Variants in HHAT observed in about 807,000 individuals in gnomAD.
The protein encoded by HHAT is hedgehog acyltransferase, also known as protein-cysteine N-palmitoyltransferase HHAT.
Under a neutral mutation model 70.8 loss-of-function variants are expected in HHAT, and 47 were observed. The ratio of observed to expected loss-of-function variants is 0.66; its 90% CI spans 0.53 to 0.85. The LOEUF (loss-of-function observed/expected upper bound fraction) is 0.85. Among genes scored for constraint, HHAT ranks in the 40% least tolerant of loss-of-function variants. HHAT has a pLI of 0.00. For missense variants in HHAT, 609 were observed against 604.8 expected (o/e 1.01, Z -0.07); for synonymous variants, 228 against 247.6 (o/e 0.92, Z 0.74).
intron 11 of HHAT, among the ~76,000 whole-genome samples, chr1:210,657,836 AG>A (rs1676769585): frequency 1.3e-5 from 2 of 152,262 alleles, no homozygotes; most frequent in African/African-American, 4.8e-5. Flanking sequence ...CTCTTCTCCC[AG>A]GCACTTCCAC....
intron 1 of HHAT, among the ~76,000 whole-genome samples, chr1:210,331,832 GGTAAGCAA>G (rs55641811): frequency 0.59 from 89,773 of 151,606 alleles, 27,887 homozygotes; most frequent in African/African-American, 0.78. Flanking sequence ...TCATTGAGGA[GGTAAGCAA>G]GTAAGCAAGT....
rs766547047 is a variant in HHAT, at chr1:210,387,602, A to G, written c.273+21A>G. ...GAAAGGTATGATTATATGTGTTGTT[A>G]CCTTTTAAGTGTGTTTTTCCTTTGC... On this transcript the variant is annotated intron_variant, in intron 4 of 11. Transcript: ENST00000261458. 4 of 1,571,928 alleles carry G rather than the reference A, an allele frequency of 2.5e-6. No individual in the cohort carries two copies. The African/African-American group carries it at 5.4e-5, about 21-fold the overall frequency.
At chr1:210,535,068 TG>T (rs2095356605) in intron 9 of HHAT, among the ~76,000 whole-genome samples, 1 of 152,190 alleles carries the variant, frequency 6.6e-6, no homozygotes, top group African/African-American at 2.4e-5. Context: ...CTCTGCTTTT[TG>T]TAGAATTGTT....
chr1:210,645,995 G>T (rs1342444086), intron 11 of HHAT, among the ~76,000 whole-genome samples: 1 of 152,110 alleles, frequency 6.6e-6, no homozygotes, highest in South Asian at 2.1e-4. Flanking sequence ...CTGCAACTGG[G>T]ACCTGCCCTC....
In HHAT at chr1:210,658,598, C is replaced by A. The variant is rs547769956; in HGVS notation, c.1391-15690C>A. Among the ~76,000 whole-genome samples the A allele has an allele frequency of 2.6e-5, 4 of 152,328 alleles. No individual in the cohort carries two copies. The South Asian group carries it at 8.3e-4, about 32-fold the overall frequency. ...TGTACCAAGCAGACCTAATAGACAT[C>A]TACAGAACTCTCTACCCCAAATCAA... On this transcript the variant is annotated intron_variant, in intron 11 of 11. Coordinates refer to ENST00000261458, the MANE Select transcript of HHAT (RefSeq NM_018194.6).
At chr1:210,330,771 C>G (rs909621667) in intron 1 of HHAT, among the ~76,000 whole-genome samples, 2 of 152,116 alleles carry the variant, frequency 1.3e-5, no homozygotes, top group African/African-American at 2.4e-5. Context: ...TTTTCATGGA[C>G]TGGGGGAAGG....
intron 11 of HHAT, among the ~76,000 whole-genome samples, chr1:210,669,062 C>A (rs149924067): frequency 6.6e-6 from 1 of 152,182 alleles, no homozygotes; most frequent in African/African-American, 2.4e-5. Flanking sequence ...TGTGAGCCAC[C>A]GCGCCTGGCC....
intron 7 of HHAT, among the ~76,000 whole-genome samples, chr1:210,442,731 A>T (rs1372747344): frequency 6.6e-6 from 1 of 152,148 alleles, no homozygotes; most frequent in South Asian, 2.1e-4. Flanking sequence ...GTTTGAGTTC[A>T]TTGTAGATTC....
chr1:210,499,748 G>A (rs1199603001), intron 8 of HHAT, among the ~76,000 whole-genome samples: 1 of 152,184 alleles, frequency 6.6e-6, no homozygotes, highest in African/African-American at 2.4e-5. Context: ...ACATTTTGCT[G>A]GTAATTAGTA....
chr1:210,440,347 C>G (rs534193973), intron 7 of HHAT, among the ~76,000 whole-genome samples: 1 of 151,582 alleles, frequency 6.6e-6, no homozygotes, highest in Non-Finnish European at 1.5e-5. Context: ...AAGCTCCAGT[C>G]GATTCTGTAG....
chr1:210,532,482 C>G (rs1471031137), intron 9 of HHAT, among the ~76,000 whole-genome samples: 1 of 152,178 alleles, frequency 6.6e-6, no homozygotes, highest in Non-Finnish European at 1.5e-5. Flanking sequence ...TGGACATCAG[C>G]TACTCATTGG....
At chr1:210,491,083 G>C (rs189934262) in intron 8 of HHAT, among the ~76,000 whole-genome samples, 2 of 151,762 alleles carry the variant, frequency 1.3e-5, no homozygotes, top group African/African-American at 4.8e-5. Flanking sequence ...GTGTGTGTGT[G>C]TGTCTGTGTG....
chr1:210,672,772 A>G (rs1680350532), intron 11 of HHAT, among the ~76,000 whole-genome samples: 1 of 152,222 alleles, frequency 6.6e-6, no homozygotes, highest in Non-Finnish European at 1.5e-5. Context: ...AAAAGAAAAG[A>G]ACATCAGATA....
At chr1:210,545,300 C>T (rs2095473371) in intron 9 of HHAT, among the ~76,000 whole-genome samples, 1 of 152,160 alleles carries the variant, frequency 6.6e-6, no homozygotes, top group African/African-American at 2.4e-5. Context: ...CTTTTGGTCC[C>T]TTGGATGCCC....
chr1:210,493,508 G>C, intron 8 of HHAT, among the ~76,000 whole-genome samples: 1 of 152,090 alleles, frequency 6.6e-6, no homozygotes, highest in South Asian at 2.1e-4. Context: ...TGATTTAAAT[G>C]TTCATCATAT....
chr1:210,526,382 A>G (rs1048013950), intron 9 of HHAT, among the ~76,000 whole-genome samples: 1 of 111,130 alleles, frequency 9.0e-6, no homozygotes, highest in Non-Finnish European at 2.0e-5. Flanking sequence ...TTTTTTTGCC[A>G]CTGAGATAAC....
intron 9 of HHAT, among the ~76,000 whole-genome samples, chr1:210,547,514 T>C (rs1456478281): frequency 6.6e-6 from 1 of 152,178 alleles, no homozygotes; most frequent in Non-Finnish European, 1.5e-5. Flanking sequence ...GTAGTAGTCA[T>C]CCTGGTTGTG....
At chr1:210,518,385 G>T (rs1292702240) in intron 9 of HHAT, among the ~76,000 whole-genome samples, 1 of 152,172 alleles carries the variant, frequency 6.6e-6, no homozygotes, top group Admixed American at 6.5e-5. Flanking sequence ...ACGTCCTCCA[G>T]ATCAATCCAC....
chr1:210,617,391 G>A (rs1443892099), intron 10 of HHAT, among the ~76,000 whole-genome samples: 2 of 152,238 alleles, frequency 1.3e-5, no homozygotes, highest in African/African-American at 4.8e-5. Context: ...GCTTGATGAA[G>A]TAGAGAGAGG....
Sources: allele counts gnomAD v4.1 joint callset (sites outside exome capture counted in the v4.1 genomes callset), GRCh38; gene constraint gnomAD v4.1.1; transcripts MANE v1.5; gene names NCBI Gene and HGNC (gene_info 2026-07-23, HGNC 2026-07-21).